Variants in CALD1 observed in about 807,000 individuals in gnomAD.
CALD1 encodes the protein caldesmon.
A neutral mutation model predicts 99.9 loss-of-function variants in CALD1; 33 were observed. The ratio of observed to expected loss-of-function variants is 0.33; its 90% CI spans 0.25 to 0.44. The LOEUF is 0.44. Among genes scored for constraint, CALD1 ranks in the 20% least tolerant of loss-of-function variants. The pLI, the probability that CALD1 is intolerant of heterozygous loss-of-function variation, is 1.00. For missense variants in CALD1, 861 were observed against 962.1 expected, an observed-to-expected ratio of 0.89 and a Z score of 1.39; for synonymous variants, 310 against 325.0, an observed-to-expected ratio of 0.95 and a Z score of 0.50.
chr7:134,919,374 A>G (rs1804448070), intron 3 of CALD1, among the ~76,000 whole-genome samples: 1 of 152,202 alleles, frequency 6.6e-6, no homozygotes, highest in Admixed American at 6.5e-5. Flanking sequence ...TGGTATGTGT[A>G]GACACAAGAA....
intron 9 of CALD1, among the ~76,000 whole-genome samples, chr7:134,954,646 T>C (rs1376474612): frequency 6.6e-6 from 1 of 151,896 alleles, no homozygotes; most frequent in African/African-American, 2.4e-5. Flanking sequence ...ATAAATGCCA[T>C]GGCCAAGGTT....
chr7:134,960,318 A>T, intron 12 of CALD1: 1 of 675,306 alleles, frequency 1.5e-6, no homozygotes, highest in South Asian at 1.9e-5. Context: ...CTTACTCCAA[A>T]TAAAGTGCCT....
intron 2 of CALD1, among the ~76,000 whole-genome samples, chr7:134,845,764 A>C (rs184654061): frequency 2.0e-5 from 3 of 152,174 alleles, no homozygotes; most frequent in Admixed American, 2.0e-4. Context: ...AGTGGCTTAA[A>C]GATTCCATCA....
intron 1 of CALD1, among the ~76,000 whole-genome samples, chr7:134,806,154 T>A (rs974660734): frequency 6.6e-6 from 1 of 152,324 alleles, no homozygotes; most frequent in Admixed American, 6.5e-5. Context: ...TGCAGAGCCA[T>A]CCCCATGGCA....
chr7:134,742,213 GT>G (rs1169295234), upstream of CALD1, among the ~76,000 whole-genome samples: 1 of 152,204 alleles, frequency 6.6e-6, no homozygotes, highest in Non-Finnish European at 1.5e-5. Flanking sequence ...TAATAACTGG[GT>G]TCTTGGTTCC....
At chr7:134,810,080 T>C (rs1302604227) in intron 1 of CALD1, among the ~76,000 whole-genome samples, 1 of 152,212 alleles carries the variant, frequency 6.6e-6, no homozygotes, top group Non-Finnish European at 1.5e-5. Flanking sequence ...TAAAAGTATT[T>C]AAGTTGATTA....
At chr7:134,773,738 TAGTTTTCTCCA>T (rs931159870) in intron 1 of CALD1, among the ~76,000 whole-genome samples, 13 of 152,082 alleles carry the variant, frequency 8.5e-5, no homozygotes, top group African/African-American at 3.1e-4. Context: ...ACTGTAATTG[TAGTTTTCTCCA>T]AGTTTTCTTC....
At chr7:134,867,056 T>C (rs1800833042) in intron 2 of CALD1, 1 of 152,044 alleles carries the variant, frequency 6.6e-6, no homozygotes, top group African/African-American at 2.4e-5. Flanking sequence ...AAGGGTAAAA[T>C]GGTTGGGTTA....
chr7:134,772,577 A>T (rs188983744), intron 1 of CALD1, among the ~76,000 whole-genome samples: 1 of 152,152 alleles, frequency 6.6e-6, no homozygotes, highest in Non-Finnish European at 1.5e-5. Context: ...ATCTAATTAC[A>T]TCATCTTTGT....
In CALD1 at chr7:134,863,485, C is replaced by T. The variant is rs573111510; in HGVS notation, c.-41-4208C>T. Among the ~76,000 whole-genome samples, 16 of 152,348 alleles carry T rather than the reference C, an allele frequency of 1.1e-4. 1 individual carries two copies. In the South Asian group the frequency reaches 2.5e-3, roughly 24 times the overall value. On this transcript the variant is annotated intron_variant, in intron 2 of 14. Coordinates refer to ENST00000361675, the MANE Select transcript of CALD1 (RefSeq NM_033138.4). ...TTGAGTGCTGGGTTAGCCACCTGCTCACAAACATCTCCTGCCTTGACTGCA... is the reference window on the plus strand; with the variant it reads ...TTGAGTGCTGGGTTAGCCACCTGCTTACAAACATCTCCTGCCTTGACTGCA...
rs1387350993 is a variant in CALD1 at position 134,878,554 on chromosome 7, G to A, written c.71+10750G>A. 7.2e-5 allele frequency among the ~76,000 whole-genome samples: 11 copies of A among 152,252 alleles called. No individual in the cohort carries two copies. The South Asian group carries it at 1.0e-3, about 14-fold the overall frequency. ...ACTGCATTCCAGCCTGGGTGATAGA[G>A]CGAGACCCTGCCTCAAGAAAAAATA... On this transcript the variant is annotated intron_variant, in intron 3 of 14. Coordinates refer to ENST00000361675, the MANE Select transcript of CALD1 (RefSeq NM_033138.4).
chr7:134,767,306 CCAAA>C (rs1423056288), intron 1 of CALD1, among the ~76,000 whole-genome samples: 1 of 151,914 alleles, frequency 6.6e-6, no homozygotes, highest in African/African-American at 2.4e-5. Flanking sequence ...TTTGCTTAGT[CCAAA>C]CAGCCATTTC....
chr7:134,733,664 C>G, the CALD1 span, among the ~76,000 whole-genome samples: 4 of 151,778 alleles, frequency 2.6e-5, no homozygotes, highest in Non-Finnish European at 4.4e-5. Context: ...AAAAAATTAG[C>G]CGGGCGTGGT....
chr7:134,925,102 G>C (rs1410032286), intron 3 of CALD1, among the ~76,000 whole-genome samples: 1 of 152,134 alleles, frequency 6.6e-6, no homozygotes, highest in Non-Finnish European at 1.5e-5. Flanking sequence ...CACTCTAGTA[G>C]CTGTGTATCC....
At chr7:134,903,672 C>T (rs1409411321) in intron 3 of CALD1, among the ~76,000 whole-genome samples, 1 of 152,008 alleles carries the variant, frequency 6.6e-6, no homozygotes, top group African/African-American at 2.4e-5. Flanking sequence ...GCCCTCTGTG[C>T]AGGTCTGTCT....
the CALD1 span, among the ~76,000 whole-genome samples, chr7:134,722,526 T>G: frequency 6.6e-6 from 1 of 152,174 alleles, no homozygotes; most frequent in South Asian, 2.1e-4. Flanking sequence ...GTTCAAGCGA[T>G]TCTCCTGCCT....
intron 1 of CALD1, among the ~76,000 whole-genome samples, chr7:134,770,036 T>G (rs1796864400): frequency 6.6e-6 from 1 of 152,236 alleles, no homozygotes; most frequent in Admixed American, 6.5e-5. Flanking sequence ...ACAGAAATTT[T>G]TATTTCTTGA....
intron 5 of CALD1, among the ~76,000 whole-genome samples, chr7:134,935,429 C>T (rs368752090): frequency 6.6e-6 from 1 of 152,114 alleles, no homozygotes; most frequent in African/African-American, 2.4e-5. Context: ...AAACCACACA[C>T]GAGGTTTGTA....
the CALD1 span, among the ~76,000 whole-genome samples, chr7:134,716,231 G>C: frequency 1.3e-5 from 2 of 152,180 alleles, no homozygotes; most frequent in African/African-American, 2.4e-5. Flanking sequence ...AGGGAAAATG[G>C]AATGTACCAT....
Sources: gnomAD v4.1 joint callset for allele counts (sites outside exome capture counted in the v4.1 genomes callset) on GRCh38, gnomAD v4.1.1 for gene constraint, MANE v1.5 for transcripts, NCBI Gene and HGNC (gene_info 2026-07-23, HGNC 2026-07-21) for gene names.